The following ATAD2B variants were observed in gnomAD, a reference collection of about 807,000 sequenced individuals.
ATAD2B encodes ATPase family AAA domain containing 2B.
A neutral mutation model predicts 167.6 loss-of-function variants in ATAD2B; 40 were observed. The observed-to-expected ratio is 0.24, with a 90% CI of 0.19 to 0.31. The LOEUF is 0.31. Among genes scored for constraint, ATAD2B ranks in the 10% least tolerant of loss-of-function variants. The pLI is 1.00. For missense variants in ATAD2B, 1,242 were observed against 1,757.2 expected, an observed-to-expected ratio of 0.71 and a Z score of 5.24; for synonymous variants, 579 against 596.5, an observed-to-expected ratio of 0.97 and a Z score of 0.43.
the ATAD2B span, among the ~76,000 whole-genome samples, chr2:23,737,445 G>C: frequency 6.6e-6 from 1 of 152,344 alleles, no homozygotes; most frequent in South Asian, 2.1e-4. Context: ...AGAGTCTGGA[G>C]TGGACCTCTA....
downstream of ATAD2B, among the ~76,000 whole-genome samples, chr2:23,748,366 CAT>C (rs971461553): frequency 1.3e-5 from 2 of 152,150 alleles, no homozygotes; most frequent in Admixed American, 6.6e-5. Flanking sequence ...ATGACCTGAT[CAT>C]ATGTTATCGT....
chr2:23,905,243 C>A (rs1279238719), intron 1 of ATAD2B, among the ~76,000 whole-genome samples: 1 of 152,132 alleles, frequency 6.6e-6, no homozygotes, highest in Non-Finnish European at 1.5e-5. Context: ...CATGGTCAGG[C>A]ATGATAGCTC....
chr2:23,741,334 G>A, the ATAD2B span, among the ~76,000 whole-genome samples: 1 of 152,168 alleles, frequency 6.6e-6, no homozygotes, highest in Non-Finnish European at 1.5e-5. Flanking sequence ...AAAACAGCAT[G>A]GTACTGGTAC....
Position 23,751,022 on chromosome 2 carries a change from G to GC in ATAD2B, c.*1023dup, listed in dbSNP as rs1675291803. 2 of 151,996 alleles carry GC rather than the reference G, an allele frequency of 1.3e-5. No homozygotes were observed. The highest frequency in any genetic ancestry group is 4.1e-4 in the South Asian group (2 of 4,826). 9.4% of individuals were successfully genotyped at this position (151,996 alleles called of 1,614,324 possible). On this transcript the variant is annotated 3_prime_UTR_variant, in exon 28 of 28. Transcript: ENST00000238789. ...TTTTCTGTCCATTTGGCAAGTCCTG[G>GC]CTTTAAAACAAAACAACAATTTACT...
chr2:23,853,008 G>T (rs1692815121), intron 13 of ATAD2B, among the ~76,000 whole-genome samples: 1 of 150,904 alleles, frequency 6.6e-6, no homozygotes, highest in African/African-American at 2.4e-5. Context: ...ATTCAAAAGA[G>T]ACAGAAAAAA....
At chr2:23,917,961 G>A (rs1703295283) in intron 1 of ATAD2B, among the ~76,000 whole-genome samples, 1 of 151,962 alleles carries the variant, frequency 6.6e-6, no homozygotes, top group Non-Finnish European at 1.5e-5. Flanking sequence ...GGGAGGCTGA[G>A]GCAGGAGAAT....
the ATAD2B span, chr2:23,706,858 C>G: frequency 9.9e-6 from 5 of 504,250 alleles, no homozygotes; most frequent in Non-Finnish European, 1.7e-5. Context: ...GGAGGCACCG[C>G]GCTTGGAGCC....
intron 17 of ATAD2B, among the ~76,000 whole-genome samples, chr2:23,818,437 A>G (rs113207971): frequency 2.0e-5 from 3 of 152,004 alleles, no homozygotes; most frequent in African/African-American, 7.2e-5. Context: ...ATGCTGGAAT[A>G]GCCTATAAAA....
intron 6 of ATAD2B, among the ~76,000 whole-genome samples, chr2:23,882,519 A>G (rs952072172): frequency 1.3e-5 from 2 of 150,932 alleles, no homozygotes; most frequent in African/African-American, 4.9e-5. Flanking sequence ...AAAAAAAAAA[A>G]AAAAAAAGGC....
At chr2:23,899,593 TTTC>T (rs1250044217) in intron 1 of ATAD2B, among the ~76,000 whole-genome samples, 1 of 152,072 alleles carries the variant, frequency 6.6e-6, no homozygotes, top group Non-Finnish European at 1.5e-5. Context: ...CTTTCATTTT[TTTC>T]TTTTTTTTCT....
At chr2:23,693,155 G>A in the ATAD2B span, 1 of 1,164,540 alleles carries the variant, frequency 8.6e-7, no homozygotes, top group Non-Finnish European at 1.1e-6. Flanking sequence ...GGACACTGCA[G>A]TCAGGGTCCC....
intron 1 of ATAD2B, among the ~76,000 whole-genome samples, chr2:23,908,896 A>C (rs1230982642): frequency 1.3e-5 from 2 of 150,328 alleles, no homozygotes; most frequent in South Asian, 2.1e-4. Context: ...AAAAAAAAAA[A>C]CAAACACCGC....
At chr2:23,736,589 G>A in the ATAD2B span, among the ~76,000 whole-genome samples, 5 of 152,134 alleles carry the variant, frequency 3.3e-5, no homozygotes, top group Non-Finnish European at 4.4e-5. Flanking sequence ...AATAAGAACA[G>A]CTCCGGTCTA....
the ATAD2B span, chr2:23,691,631 G>A: frequency 6.6e-7 from 1 of 1,518,174 alleles, no homozygotes; most frequent in South Asian, 1.2e-5. Flanking sequence ...CGGCACGGTG[G>A]CCGCAGGGCA....
intron 18 of ATAD2B, 65 bp downstream of exon 18, chr2:23,810,251 T>C: frequency 7.0e-7 from 1 of 1,424,394 alleles, no homozygotes; most frequent in Non-Finnish European, 9.7e-7. Flanking sequence ...CACTACACAC[T>C]AGAAATACTA....
In ATAD2B at chr2:23,810,304, G is replaced by A. The variant is rs2149537364; in HGVS notation, c.2454+12C>T. On this transcript the variant is annotated intron_variant, in intron 18 of 27. Coordinates refer to ENST00000238789, the MANE Select transcript of ATAD2B (RefSeq NM_017552.4). ...AGAAAGTTGGAAGTGCTCTGATGTG[G>A]TACAAACCTACCTGTGCACATGATT... is the stretch of plus-strand genomic sequence containing the variant. The A allele has an allele frequency of 6.2e-7, 1 of 1,609,596 alleles. No homozygotes were observed. Among genetic ancestry groups the A allele is most frequent in the Non-Finnish European group, 8.5e-7 (1 of 1,176,468 alleles).
the ATAD2B span, among the ~76,000 whole-genome samples, chr2:23,725,221 T>C: frequency 6.6e-6 from 1 of 152,144 alleles, no homozygotes; most frequent in South Asian, 2.1e-4. Flanking sequence ...GGTGAACATA[T>C]TCTTCGGAAA....
At chr2:23,874,459 C>T (rs114623297) in intron 8 of ATAD2B, among the ~76,000 whole-genome samples, 3,971 of 152,188 alleles carry the variant, frequency 0.026, 176 homozygotes, top group African/African-American at 0.091. Flanking sequence ...TAGCTCATGC[C>T]TGTAATCCCA....
intron 3 of ATAD2B, 35 bp from the exon 4 acceptor site, chr2:23,888,020 A>G: frequency 2.0e-6 from 3 of 1,476,836 alleles, no homozygotes; most frequent in Non-Finnish European, 2.7e-6. Context: ...TTCAAAGTAC[A>G]GAATACAGAA....
Sources: gnomAD v4.1 joint callset for allele counts (sites outside exome capture counted in the v4.1 genomes callset) on GRCh38, gnomAD v4.1.1 for gene constraint, MANE v1.5 for transcripts, NCBI Gene and HGNC (gene_info 2026-07-23, HGNC 2026-07-21) for gene names.